Variants in CPNE4 observed in about 807,000 individuals in gnomAD.
The protein encoded by CPNE4 is copine 4.
CPNE4 carries 25 observed loss-of-function variants against 67.9 expected under a neutral mutation model. That is an observed-to-expected ratio of 0.37 (90% CI 0.27 to 0.51). The LOEUF is 0.51. CPNE4 is among the 20% of genes least tolerant of loss of function. The probability of loss-of-function intolerance (pLI) is 0.93; values close to 1 mark genes in which losing one functional copy is unlikely to be tolerated. For synonymous variants in CPNE4, 242 were observed against 244.9 expected (o/e 0.99, Z 0.11); for missense variants, 464 against 690.8 (o/e 0.67, Z 3.68).
chr3:132,020,931 C>T (rs1479860206), intron 1 of CPNE4, among the ~76,000 whole-genome samples: 1 of 152,190 alleles, frequency 6.6e-6, no homozygotes, highest in African/African-American at 2.4e-5. Context: ...AAAACAAGCA[C>T]AAAGCACAAC....
chr3:132,010,386 G>A (rs187372698), intron 1 of CPNE4, among the ~76,000 whole-genome samples: 114 of 152,128 alleles, frequency 7.5e-4, no homozygotes, highest in Admixed American at 1.4e-3. Context: ...TCTACCAAAC[G>A]CTTCAATAAT....
At chr3:131,603,327 G>T (rs1428687364) in intron 7 of CPNE4, among the ~76,000 whole-genome samples, 1 of 152,110 alleles carries the variant, frequency 6.6e-6, no homozygotes, top group African/African-American at 2.4e-5. Context: ...CAGTCTAGTG[G>T]TAAAAATAGA....
chr3:131,801,152 GGC>G (rs2084085857), intron 2 of CPNE4, among the ~76,000 whole-genome samples: 1 of 151,406 alleles, frequency 6.6e-6, no homozygotes, highest in Non-Finnish European at 1.5e-5. Flanking sequence ...TTTTTCAAAG[GGC>G]CTTGGAGAAA....
rs1553772420 is a variant in CPNE4, at chr3:131,792,892, A to AGTGTGTGTGT, written c.181-69277_181-69268dup. Among the ~76,000 whole-genome samples the AGTGTGTGTGT allele has an allele frequency of 7.4e-3, 944 of 127,952 alleles. 17 individuals are homozygous for AGTGTGTGTGT. The highest frequency in any genetic ancestry group is 0.027 in the African/African-American group (898 of 33,062). 83.9% of individuals were successfully genotyped at this position (127,952 alleles called of 152,430 possible). A position where few individuals can be genotyped will look rare whatever the true frequency, so the allele number is the denominator to read the frequency against. ...ATATATTTACAGTGTAGGTATTTCC[A>AGTGTGTGTGT]GTGTGTGTGTGTGTGTGTGTGTGTG... is the stretch of plus-strand genomic sequence containing the variant. On this transcript the variant is annotated intron_variant, in intron 2 of 15. Transcript: ENST00000429747.
intron 3 of CPNE4, among the ~76,000 whole-genome samples, chr3:131,703,106 G>T (rs548379818): frequency 2.0e-5 from 3 of 152,278 alleles, no homozygotes; most frequent in Non-Finnish European, 4.4e-5. Context: ...GTAGAGAAAA[G>T]CCTATTTGTT....
intron 2 of CPNE4, among the ~76,000 whole-genome samples, chr3:131,793,712 G>T (rs193029335): frequency 8.8e-4 from 134 of 152,190 alleles, no homozygotes; most frequent in African/African-American, 3.1e-3. Flanking sequence ...ACTCAGATTG[G>T]CACATTGGCT....
chr3:131,900,416 C>A (rs1316483099), intron 2 of CPNE4, among the ~76,000 whole-genome samples: 9 of 152,024 alleles, frequency 5.9e-5, no homozygotes, highest in Admixed American at 5.9e-4. Flanking sequence ...GTACAACCAC[C>A]ACTATGGCAT....
chr3:131,925,480 A>G (rs945196556), intron 1 of CPNE4: 1 of 152,118 alleles, frequency 6.6e-6, no homozygotes, highest in Admixed American at 6.6e-5. Flanking sequence ...CCATCTTTCC[A>G]TCTGTGAATT....
At position 131,993,887 on chromosome 3, in the gene CPNE4, T is replaced by C. The variant is rs1004660946; in HGVS notation, c.-2+40680A>G. Among the ~76,000 whole-genome samples, 4 of 135,872 alleles carry C rather than the reference T, an allele frequency of 2.9e-5. 1 individual carries two copies. Among genetic ancestry groups the C allele is most frequent in the African/African-American group, 9.8e-5 (4 of 40,630 alleles). 89.1% of individuals were successfully genotyped at this position (135,872 alleles called of 152,430 possible). A position where few individuals can be genotyped will look rare whatever the true frequency, so the allele number is the denominator to read the frequency against. On this transcript the variant is annotated intron_variant, in intron 1 of 15. Transcript: ENST00000429747. Reference sequence around the variant, plus strand: ...GGAAGAAACAAGAAACAATGCTGTCTCTGTCCTCAAATAAAATGATTATTT... The same window carrying C: ...GGAAGAAACAAGAAACAATGCTGTCCCTGTCCTCAAATAAAATGATTATTT...
In CPNE4 at chr3:131,723,481, C is replaced by A. The variant is rs751052330; in HGVS notation, c.325G>T (p.Asp109Tyr). 2 of 1,613,362 alleles carry A rather than the reference C, an allele frequency of 1.2e-6. No individual in the cohort carries two copies. Among genetic ancestry groups the A allele is most frequent in the Non-Finnish European group, 1.7e-6 (2 of 1,180,022 alleles). The change falls in exon 3 of 16, where the codon GAC (aspartate) becomes TAC (tyrosine). Residue 109 changes from aspartate to tyrosine, a missense_variant. Physicochemically the swap from Asp to Tyr is radical, Grantham distance 160 (BLOSUM62 -3). Transcript: ENST00000429747. ...GTGCACTCCATGCCACCAAGGAAGT[C>A]GGCCTCCTTCAGCCCATTGTGGTTG... The part of the protein sequence containing the change: ...SSNHNGLKEA[D>Y]FLGGMECTLG...
At chr3:131,827,194 C>A (rs1287536898) in intron 2 of CPNE4, among the ~76,000 whole-genome samples, 1 of 152,182 alleles carries the variant, frequency 6.6e-6, no homozygotes, top group Admixed American at 6.5e-5. Context: ...TATGCCCAAC[C>A]AAAGACACCA....
intron 2 of CPNE4, among the ~76,000 whole-genome samples, chr3:131,728,577 A>T (rs116574623): frequency 6.6e-6 from 1 of 152,232 alleles, no homozygotes; most frequent in African/African-American, 2.4e-5. Flanking sequence ...CACTGGACAT[A>T]TTTGAGATAC....
chr3:131,668,681 T>C (rs1213259696), intron 7 of CPNE4, among the ~76,000 whole-genome samples: 1 of 152,166 alleles, frequency 6.6e-6, no homozygotes, highest in Non-Finnish European at 1.5e-5. Flanking sequence ...TAGTTATCCT[T>C]AATTGGTTGA....
chr3:131,693,216 C>T (rs1180353295), intron 5 of CPNE4, among the ~76,000 whole-genome samples: 2 of 152,150 alleles, frequency 1.3e-5, no homozygotes, highest in Non-Finnish European at 2.9e-5. Context: ...CCCATATACC[C>T]TATAACAGGG....
intron 7 of CPNE4, among the ~76,000 whole-genome samples, chr3:131,660,066 C>T (rs1582976317): frequency 6.6e-6 from 1 of 152,148 alleles, no homozygotes; most frequent in African/African-American, 2.4e-5. Flanking sequence ...TCAACGATTA[C>T]CACCATCTTT....
At position 131,926,443 on chromosome 3, in the gene CPNE4, A is replaced by G. The variant is rs1201875067; in HGVS notation, c.-1-20999T>C. Among the ~76,000 whole-genome samples, 6 of 152,300 alleles carry G rather than the reference A, an allele frequency of 3.9e-5. No homozygotes were observed. In the East Asian group the frequency reaches 1.2e-3, roughly 29 times the overall value. On this transcript the variant is annotated intron_variant, in intron 1 of 15. Coordinates refer to ENST00000429747, the MANE Select transcript of CPNE4 (RefSeq NM_130808.3). Reference sequence around the variant, plus strand: ...ATTTGAAAATAAAGATATGAACAACATGAAATACGAAAACAATTATAATGA... The same window carrying G: ...ATTTGAAAATAAAGATATGAACAACGTGAAATACGAAAACAATTATAATGA...
chr3:131,631,435 G>T (rs192970965), intron 7 of CPNE4, among the ~76,000 whole-genome samples: 2 of 152,176 alleles, frequency 1.3e-5, no homozygotes, highest in East Asian at 3.9e-4. Context: ...TACTGGTTTG[G>T]GTTTGCACAG....
intron 1 of CPNE4, among the ~76,000 whole-genome samples, chr3:131,916,275 T>C (rs1429880142): frequency 6.6e-6 from 1 of 151,604 alleles, no homozygotes; most frequent in African/African-American, 2.4e-5. Context: ...AATCATAGTT[T>C]GGATTCTTCC....
intron 1 of CPNE4, among the ~76,000 whole-genome samples, chr3:131,932,355 T>A (rs1375778868): frequency 1.3e-5 from 2 of 152,124 alleles, no homozygotes; most frequent in Non-Finnish European, 2.9e-5. Flanking sequence ...GGATTCCTTT[T>A]CAATCATCCA....
Sources: gnomAD v4.1 joint callset for allele counts (sites outside exome capture counted in the v4.1 genomes callset) on GRCh38, gnomAD v4.1.1 for gene constraint, MANE v1.5 for transcripts, NCBI Gene and HGNC (gene_info 2026-07-23, HGNC 2026-07-21) for gene names.